The following SPATS2 variants were observed in gnomAD, a reference collection of about 807,000 sequenced individuals.
SPATS2 encodes spermatogenesis associated serine rich 2.
In SPATS2, 38 loss-of-function variants were observed where a neutral mutation model predicts 63.7. The observed-to-expected ratio is 0.60, with a 90% CI of 0.46 to 0.78. SPATS2 has a LOEUF of 0.78. Among genes scored for constraint, SPATS2 ranks in the 30% least tolerant of loss-of-function variants. SPATS2 has a pLI of 0.00. For synonymous variants in SPATS2, 207 were observed against 232.9 expected (o/e 0.89, Z 1.01); for missense variants, 588 against 666.2 (o/e 0.88, Z 1.29).
At chr12:49,431,814 C>G (rs896689486) in intron 2 of SPATS2, among the ~76,000 whole-genome samples, 3 of 151,782 alleles carry the variant, frequency 2.0e-5, no homozygotes, top group African/African-American at 7.3e-5. Flanking sequence ...AGGAGGATCA[C>G]TTGAGCTCAG....
chr12:49,481,457 C>CTT lies in SPATS2; in HGVS notation c.26-3133_26-3132insTT, dbSNP rs1565742917. Among the ~76,000 whole-genome samples, 13 of 137,392 alleles carry CTT rather than the reference C, an allele frequency of 9.5e-5. 1 individual carries two copies. Among genetic ancestry groups the CTT allele is most frequent in the African/African-American group, 3.8e-4 (13 of 34,302 alleles). 90.1% of individuals were successfully genotyped at this position (137,392 alleles called of 152,430 possible). On this transcript the variant is annotated intron_variant, in intron 3 of 13. Transcript: ENST00000552918. ...AAGCTCAACAAGCTCAAGGCTTCCT[C>CTT]ATTTTTTTTTTTTTTTTTTTTTTTT...
At chr12:49,503,537 T>C (rs1946604306) in intron 9 of SPATS2, among the ~76,000 whole-genome samples, 1 of 150,152 alleles carries the variant, frequency 6.7e-6, no homozygotes, top group Non-Finnish European at 1.5e-5. Flanking sequence ...TAGTCCCAGC[T>C]ACTCAGGAGG....
chr12:49,508,802 G>A (rs543337247), intron 9 of SPATS2, among the ~76,000 whole-genome samples: 1 of 151,176 alleles, frequency 6.6e-6, no homozygotes, highest in South Asian at 2.1e-4. Context: ...AGTAGCTCAC[G>A]CCTGTAATCT....
intron 2 of SPATS2, among the ~76,000 whole-genome samples, chr12:49,406,903 T>C (rs1019815425): frequency 2.6e-5 from 4 of 152,196 alleles, no homozygotes; most frequent in African/African-American, 9.6e-5. Flanking sequence ...AATCATAATG[T>C]AAAATAATAT....
At chr12:49,367,002 C>A (rs1943907493), upstream of SPATS2, 1 of 152,276 alleles carries the variant, frequency 6.6e-6, no homozygotes, top group African/African-American at 2.4e-5. Context: ...ACCCTCTCCC[C>A]GAGTCTCTTC....
intron 2 of SPATS2, among the ~76,000 whole-genome samples, chr12:49,436,654 G>C (rs1945301873): frequency 7.6e-6 from 1 of 131,232 alleles, no homozygotes; most frequent in Non-Finnish European, 1.7e-5. Flanking sequence ...CCGGGCAGAG[G>C]GGCTCCTCTC....
chr12:49,464,556 G>A (rs1405662526), intron 3 of SPATS2, among the ~76,000 whole-genome samples: 1 of 151,322 alleles, frequency 6.6e-6, no homozygotes. Context: ...GAACCCGGGA[G>A]GTGGAGGTTG....
At position 49,460,934 on chromosome 12, in the gene SPATS2, C is replaced by A; in HGVS notation, c.-79C>A. On this transcript the variant is annotated 5_prime_UTR_variant, in exon 3 of 14. The change creates a premature stop within an existing upstream ORF in the 5' untranslated region. Transcript: ENST00000552918. ...ACACTTCCGTTGCCCACTTTTAAAT[C>A]AGAGATACCTACACTCAAAACCCAG... 1 of 1,553,340 alleles carries A rather than the reference C, an allele frequency of 6.4e-7. No individual in the cohort carries two copies. Among genetic ancestry groups the A allele is most frequent in the South Asian group, 1.2e-5 (1 of 86,552 alleles).
intron 2 of SPATS2, among the ~76,000 whole-genome samples, chr12:49,414,735 C>G (rs1297353470): frequency 1.3e-5 from 2 of 151,690 alleles, no homozygotes; most frequent in Admixed American, 1.3e-4. Flanking sequence ...CCTGAGTAGC[C>G]AGGACTATAG....
At chr12:49,416,403 G>C (rs1944890105) in intron 2 of SPATS2, among the ~76,000 whole-genome samples, 1 of 152,130 alleles carries the variant, frequency 6.6e-6, no homozygotes, top group South Asian at 2.1e-4. Flanking sequence ...GAGGCTTACT[G>C]GGTATCTTAT....
chr12:49,373,829 G>A (rs1210472014), intron 2 of SPATS2, among the ~76,000 whole-genome samples: 1 of 152,162 alleles, frequency 6.6e-6, no homozygotes, highest in African/African-American at 2.4e-5. Context: ...GGAGGCAGAA[G>A]AATTGCTTGA....
At chr12:49,474,555 A>G (rs1369749934) in intron 3 of SPATS2, among the ~76,000 whole-genome samples, 2 of 152,270 alleles carry the variant, frequency 1.3e-5, no homozygotes, top group African/African-American at 2.4e-5. Flanking sequence ...TTTTATAACA[A>G]CAAACAACTT....
intron 2 of SPATS2, among the ~76,000 whole-genome samples, chr12:49,383,029 T>C (rs1944249641): frequency 6.6e-6 from 1 of 151,808 alleles, no homozygotes; most frequent in African/African-American, 2.4e-5. Context: ...ATTATTATTA[T>C]TATTTTAAAA....
At chr12:49,386,672 A>G (rs997720038) in intron 2 of SPATS2, among the ~76,000 whole-genome samples, 14 of 152,258 alleles carry the variant, frequency 9.2e-5, no homozygotes, top group Middle Eastern at 6.8e-3. Flanking sequence ...CTAACCGGGT[A>G]AGGAGGGGAG....
intron 6 of SPATS2, among the ~76,000 whole-genome samples, chr12:49,493,136 A>C (rs1410171175): frequency 6.6e-6 from 1 of 150,808 alleles, no homozygotes; most frequent in Non-Finnish European, 1.5e-5. Flanking sequence ...GAAAGATGAG[A>C]GCTGTTAAGG....
At chr12:49,447,031 C>T (rs1299238039) in intron 2 of SPATS2, among the ~76,000 whole-genome samples, 1 of 151,634 alleles carries the variant, frequency 6.6e-6, no homozygotes, top group South Asian at 2.1e-4. Flanking sequence ...TGGGTTCAAG[C>T]AGTTCTCCTG....
intron 9 of SPATS2, 77 bp downstream of exon 9, chr12:49,500,282 A>T (rs1375536639): frequency 1.4e-6 from 2 of 1,448,472 alleles, no homozygotes; most frequent in African/African-American, 2.9e-5. Flanking sequence ...CCATTCCCCA[A>T]GTTCATTCAT....
chr12:49,438,539 G>T (rs967185829), intron 2 of SPATS2, among the ~76,000 whole-genome samples: 1 of 152,010 alleles, frequency 6.6e-6, no homozygotes, highest in Non-Finnish European at 1.5e-5. Flanking sequence ...TCCATTCTAC[G>T]TTCCCATGAG....
At chr12:49,451,865 A>G (rs1945628854) in intron 2 of SPATS2, among the ~76,000 whole-genome samples, 1 of 152,234 alleles carries the variant, frequency 6.6e-6, no homozygotes, top group African/African-American at 2.4e-5. Context: ...TTTTTGAAAG[A>G]TAGCTTTGCT....
Sources: allele counts gnomAD v4.1 joint callset (sites outside exome capture counted in the v4.1 genomes callset), GRCh38; gene constraint gnomAD v4.1.1; transcripts MANE v1.5; gene names NCBI Gene and HGNC (gene_info 2026-07-23, HGNC 2026-07-21).